The following TMEM132C variants were observed in gnomAD, a reference collection of about 807,000 sequenced individuals.
The protein encoded by TMEM132C is transmembrane protein 132C.
In TMEM132C, 29 loss-of-function variants were observed where a neutral mutation model predicts 61.4. The ratio of observed to expected loss-of-function variants is 0.47; its 90% CI spans 0.35 to 0.64. The LOEUF (loss-of-function observed/expected upper bound fraction) is 0.64, where lower values mean the gene tolerates loss of function less well. TMEM132C is among the 30% of genes least tolerant of loss of function. TMEM132C has a pLI of 0.00. For synonymous variants in TMEM132C, 656 were observed against 633.1 expected (o/e 1.04, Z -0.54); for missense variants, 1,408 against 1,476.9 (o/e 0.95, Z 0.76).
intron 4 of TMEM132C, among the ~76,000 whole-genome samples, chr12:128,645,104 C>T (rs562681011): frequency 2.0e-5 from 3 of 152,198 alleles, no homozygotes; most frequent in Middle Eastern, 3.4e-3. Context: ...AGATCAGAGG[C>T]GACCCTGAGG....
intron 4 of TMEM132C, among the ~76,000 whole-genome samples, chr12:128,633,841 C>T (rs1954080760): frequency 6.6e-6 from 1 of 152,098 alleles, no homozygotes; most frequent in African/African-American, 2.4e-5. Context: ...TTATGTTATA[C>T]CCCACCACCA....
chr12:128,611,594 T>C (rs1876638387), intron 3 of TMEM132C, among the ~76,000 whole-genome samples: 1 of 152,150 alleles, frequency 6.6e-6, no homozygotes, highest in Admixed American at 6.5e-5. Context: ...TGGGAAGACA[T>C]CTTCCACCTC....
intron 2 of TMEM132C, among the ~76,000 whole-genome samples, chr12:128,515,145 T>C (rs575673964): frequency 6.6e-6 from 1 of 152,344 alleles, no homozygotes; most frequent in East Asian, 1.9e-4. Flanking sequence ...CCAGCAGCCA[T>C]CATGAATCAC....
intron 2 of TMEM132C, among the ~76,000 whole-genome samples, chr12:128,525,326 CTCTCTCTCTCTCTCTCTT>C (rs1873046287): frequency 2.7e-5 from 4 of 148,256 alleles, no homozygotes; most frequent in South Asian, 2.2e-4. Context: ...ACTTCTCTCT[CTCTCTCTCTCTCTCTCTT>C]TCTCTCTCTC....
intron 1 of TMEM132C, among the ~76,000 whole-genome samples, chr12:128,347,229 A>G (rs1310391186): frequency 6.6e-6 from 1 of 152,142 alleles, no homozygotes; most frequent in Non-Finnish European, 1.5e-5. Flanking sequence ...CTCCAACTCC[A>G]TCCAAGTTGC....
chr12:128,301,166 G>A (rs1286670976), intron 1 of TMEM132C, among the ~76,000 whole-genome samples: 3 of 152,220 alleles, frequency 2.0e-5, no homozygotes, highest in Non-Finnish European at 2.9e-5. Flanking sequence ...AAGTAGGAGA[G>A]CTTGGAGATG....
chr12:128,305,400 G>C (rs746267561), intron 1 of TMEM132C, among the ~76,000 whole-genome samples: 10 of 152,014 alleles, frequency 6.6e-5, no homozygotes, highest in Non-Finnish European at 1.2e-4. Context: ...CAGTTACTCT[G>C]TTTCCCCCAA....
At chr12:128,334,917 C>T (rs530954670) in intron 1 of TMEM132C, among the ~76,000 whole-genome samples, 3 of 152,196 alleles carry the variant, frequency 2.0e-5, no homozygotes, top group South Asian at 4.1e-4. Context: ...TTGTAGTGCA[C>T]ATAGCTAAGG....
At chr12:128,283,463 C>T (rs956422310) in intron 1 of TMEM132C, among the ~76,000 whole-genome samples, 3 of 152,124 alleles carry the variant, frequency 2.0e-5, no homozygotes, top group African/African-American at 7.2e-5. Flanking sequence ...ATTGTGCACA[C>T]ATTGGCCTTT....
chr12:128,564,273 T>G (rs1317225895), intron 3 of TMEM132C, among the ~76,000 whole-genome samples: 1 of 152,116 alleles, frequency 6.6e-6, no homozygotes, highest in East Asian at 1.9e-4. Flanking sequence ...TTTCAACATA[T>G]GAATTTTAGG....
chr12:128,417,297 C>T (rs1333480604), intron 2 of TMEM132C, among the ~76,000 whole-genome samples: 1 of 152,132 alleles, frequency 6.6e-6, no homozygotes. Flanking sequence ...TCATCTTCCC[C>T]CTTGCACTTT....
intron 2 of TMEM132C, among the ~76,000 whole-genome samples, chr12:128,508,574 A>G (rs1872461796): frequency 6.6e-6 from 1 of 152,210 alleles, no homozygotes; most frequent in Non-Finnish European, 1.5e-5. Context: ...GCGGCCTCCA[A>G]GCAAGTGCTG....
intron 2 of TMEM132C, among the ~76,000 whole-genome samples, chr12:128,467,734 G>C (rs577256115): frequency 3.3e-4 from 50 of 152,138 alleles, no homozygotes; most frequent in Non-Finnish European, 4.4e-4. Flanking sequence ...CTAATACTCA[G>C]CTTCCGATCA....
intron 3 of TMEM132C, among the ~76,000 whole-genome samples, chr12:128,555,477 T>C (rs1300171812): frequency 6.6e-6 from 1 of 152,182 alleles, no homozygotes; most frequent in African/African-American, 2.4e-5. Flanking sequence ...GGTCCCCTCC[T>C]AAAACAAGTT....
At chr12:128,555,156 A>G (rs151234604) in intron 3 of TMEM132C, among the ~76,000 whole-genome samples, 173 of 152,288 alleles carry the variant, frequency 1.1e-3, no homozygotes, top group Admixed American at 1.7e-3. Flanking sequence ...AAAAACAAAA[A>G]ACAAAACAAA....
intron 4 of TMEM132C, among the ~76,000 whole-genome samples, chr12:128,649,749 CCACCCCAAAGGACGG>C (rs1480732493): frequency 2.0e-5 from 3 of 152,168 alleles, no homozygotes; most frequent in African/African-American, 7.2e-5. Context: ...AGCCCATGTG[CCACCCCAAAGGACGG>C]CCTGTTTAAT....
intron 1 of TMEM132C, among the ~76,000 whole-genome samples, chr12:128,282,419 G>A (rs1188361316): frequency 6.6e-6 from 1 of 152,232 alleles, no homozygotes; most frequent in Non-Finnish European, 1.5e-5. Flanking sequence ...GGAGAAGCAA[G>A]TACCTTTTTC....
intron 4 of TMEM132C, among the ~76,000 whole-genome samples, chr12:128,663,686 T>C (rs1954417271): frequency 6.7e-6 from 1 of 148,616 alleles, no homozygotes; most frequent in Non-Finnish European, 1.5e-5. Context: ...TATGTATAGG[T>C]ACGTGTGCCT....
In TMEM132C at chr12:128,690,016, C is replaced by T. The variant is rs530105634; in HGVS notation, c.1450-3813C>T. On this transcript the variant is annotated intron_variant, in intron 5 of 8. Coordinates refer to ENST00000435159, the MANE Select transcript of TMEM132C (RefSeq NM_001136103.3). Reference sequence around the variant, plus strand: ...CTGCCTTCCCCTTGGAAAGTGACCCCCAGGCTCTTCCTAGGAGGCAGGTGC... The same window carrying T: ...CTGCCTTCCCCTTGGAAAGTGACCCTCAGGCTCTTCCTAGGAGGCAGGTGC... Among the ~76,000 whole-genome samples, 6 of 152,262 alleles carry T rather than the reference C, an allele frequency of 3.9e-5. No individual in the cohort carries two copies. The East Asian group carries it at 1.2e-3, about 29-fold the overall frequency.
Sources: allele counts gnomAD v4.1 joint callset (sites outside exome capture counted in the v4.1 genomes callset), GRCh38; gene constraint gnomAD v4.1.1; transcripts MANE v1.5; gene names NCBI Gene and HGNC (gene_info 2026-07-23, HGNC 2026-07-21).